CACNG2: variants seen among roughly 807,000 people sequenced by gnomAD.
CACNG2 encodes the protein voltage-dependent calcium channel gamma-2 subunit.
A neutral mutation model predicts 25.9 loss-of-function variants in CACNG2; 3 were observed. The ratio of observed to expected loss-of-function variants is 0.12; its 90% CI spans 0.05 to 0.30. The LOEUF (loss-of-function observed/expected upper bound fraction) is 0.30, where lower values mean the gene tolerates loss of function less well. Ranked by LOEUF, CACNG2 falls within the 10% of genes least tolerant of loss-of-function variation. The pLI, the probability that CACNG2 is intolerant of heterozygous loss-of-function variation, is 1.00. For missense variants in CACNG2, 341 were observed against 432.5 expected (o/e 0.79, Z 1.88); for synonymous variants, 167 against 173.3 (o/e 0.96, Z 0.29).
At chr22:36,621,737 C>T (rs1936109085) in intron 1 of CACNG2, among the ~76,000 whole-genome samples, 1 of 152,134 alleles carries the variant, frequency 6.6e-6, no homozygotes, top group Admixed American at 6.5e-5. Flanking sequence ...TGTGTCCTCC[C>T]CTGCCAGTGC....
intron 1 of CACNG2, among the ~76,000 whole-genome samples, chr22:36,615,203 A>G (rs1193790859): frequency 1.3e-5 from 2 of 152,120 alleles, no homozygotes; most frequent in Non-Finnish European, 2.9e-5. Context: ...GCTGCATCTG[A>G]TTTGGTTGGG....
rs182028340 is a variant in CACNG2 at position 36,622,470 on chromosome 22, G to T, written c.212-34922C>A. 2.8e-4 allele frequency among the ~76,000 whole-genome samples: 43 copies of T among 152,322 alleles called. 1 individual carries two copies. The East Asian group carries it at 8.3e-3, about 29-fold the overall frequency. ...GATGGACTGGAGATCCATGGGTTTAGATCTTACTTCCTTACTTTTAGAATA... is the reference window on the plus strand; with the variant it reads ...GATGGACTGGAGATCCATGGGTTTATATCTTACTTCCTTACTTTTAGAATA... On this transcript the variant is annotated intron_variant, in intron 1 of 3. Coordinates refer to ENST00000300105, the MANE Select transcript of CACNG2 (RefSeq NM_006078.5).
chr22:36,570,202 G>C (rs1935201950), intron 2 of CACNG2, among the ~76,000 whole-genome samples: 2 of 152,344 alleles, frequency 1.3e-5, no homozygotes, highest in South Asian at 4.1e-4. Context: ...TGCGGAGGGA[G>C]CTGGGATGCA....
At chr22:36,636,943 C>T (rs1475321831) in intron 1 of CACNG2, among the ~76,000 whole-genome samples, 2 of 152,218 alleles carry the variant, frequency 1.3e-5, no homozygotes, top group African/African-American at 4.8e-5. Context: ...AAGATCCATA[C>T]TTGATCCCTC....
intron 1 of CACNG2, among the ~76,000 whole-genome samples, chr22:36,595,556 G>A (rs2145928122): frequency 6.6e-6 from 1 of 152,324 alleles, no homozygotes; most frequent in Middle Eastern, 3.4e-3. Flanking sequence ...ACAAATTGGT[G>A]GGATTGGAGA....
At chr22:36,650,340 C>T (rs192461175) in intron 1 of CACNG2, among the ~76,000 whole-genome samples, 61 of 152,072 alleles carry the variant, frequency 4.0e-4, no homozygotes, top group Admixed American at 1.5e-3. Context: ...TGGCTGGACT[C>T]GCTCCAAACA....
intron 2 of CACNG2, among the ~76,000 whole-genome samples, chr22:36,575,927 A>G (rs946412111): frequency 1.3e-5 from 2 of 152,236 alleles, no homozygotes; most frequent in East Asian, 3.8e-4. Context: ...ATTAGGGGAT[A>G]CAGTCTACAG....
At chr22:36,636,991 G>T (rs898448185) in intron 1 of CACNG2, among the ~76,000 whole-genome samples, 1 of 152,198 alleles carries the variant, frequency 6.6e-6, no homozygotes, top group Non-Finnish European at 1.5e-5. Context: ...AGCAGAGCAG[G>T]TTCTGGCTGG....
intron 2 of CACNG2, among the ~76,000 whole-genome samples, chr22:36,581,427 C>G (rs548473228): frequency 6.6e-6 from 1 of 152,332 alleles, no homozygotes; most frequent in South Asian, 2.1e-4. Context: ...CTCCAAGAGG[C>G]TGGACAACAT....
chr22:36,684,555 G>A (rs1320812539), intron 1 of CACNG2, among the ~76,000 whole-genome samples: 1 of 148,998 alleles, frequency 6.7e-6, no homozygotes, highest in African/African-American at 2.5e-5. Flanking sequence ...GGTCAAGGCT[G>A]CAGTGAGCCA....
intron 1 of CACNG2, among the ~76,000 whole-genome samples, chr22:36,633,804 TA>T (rs1361033531): frequency 6.6e-6 from 1 of 152,244 alleles, no homozygotes; most frequent in African/African-American, 2.4e-5. Flanking sequence ...ATTGACTTGT[TA>T]AAGCAGCAAG....
chr22:36,578,877 G>A (rs545187018), intron 2 of CACNG2, among the ~76,000 whole-genome samples: 2 of 152,296 alleles, frequency 1.3e-5, no homozygotes, highest in East Asian at 3.9e-4. Flanking sequence ...CACTCTATTT[G>A]CAGCCACTCC....
At chr22:36,638,546 T>A (rs888598317) in intron 1 of CACNG2, among the ~76,000 whole-genome samples, 1 of 152,168 alleles carries the variant, frequency 6.6e-6, no homozygotes, top group Middle Eastern at 3.2e-3. Flanking sequence ...CCCCAGTTTT[T>A]CTCTGGATGA....
intron 1 of CACNG2, among the ~76,000 whole-genome samples, chr22:36,699,236 T>TACAC (rs1937379005): frequency 2.5e-5 from 2 of 79,104 alleles, no homozygotes; most frequent in South Asian, 4.7e-4. Flanking sequence ...GGATTTCAAG[T>TACAC]TCACACACAC....
At chr22:36,652,177 T>G (rs988137856) in intron 1 of CACNG2, among the ~76,000 whole-genome samples, 1 of 152,094 alleles carries the variant, frequency 6.6e-6, no homozygotes, top group Non-Finnish European at 1.5e-5. Flanking sequence ...GTTTCTTAAA[T>G]AGATGTTGAA....
chr22:36,664,576 C>T (rs1047897668), intron 1 of CACNG2, among the ~76,000 whole-genome samples: 1 of 152,198 alleles, frequency 6.6e-6, no homozygotes, highest in East Asian at 1.9e-4. Context: ...TCCAAGACCT[C>T]ACACTGGGTT....
In CACNG2 at chr22:36,703,026, T is replaced by G; in HGVS notation, c.-450A>C. The G allele has an allele frequency of 5.8e-6, 1 of 172,634 alleles. No homozygotes were observed. 10.7% of individuals were successfully genotyped at this position (172,634 alleles called of 1,614,324 possible). The stretch of plus-strand genomic sequence containing the variant: ...AACACCATTTCTCATGGTCGGGACC[T>G]AGACAGTTAGAGACTGTGAGAGCCG... On this transcript the variant is annotated 5_prime_UTR_variant, in exon 1 of 4. Coordinates refer to ENST00000300105, the MANE Select transcript of CACNG2 (RefSeq NM_006078.5).
chr22:36,664,923 C>T (rs558145294), intron 1 of CACNG2, among the ~76,000 whole-genome samples: 12 of 152,214 alleles, frequency 7.9e-5, no homozygotes, highest in African/African-American at 1.7e-4. Context: ...TCAGCTCTGA[C>T]GAGGGGGTGC....
chr22:36,566,699 C>A (rs891558789), intron 2 of CACNG2, among the ~76,000 whole-genome samples: 6 of 152,194 alleles, frequency 3.9e-5, no homozygotes, highest in Non-Finnish European at 8.8e-5. Context: ...CCCACTGCCT[C>A]CAGGGCCAAA....
Sources: gnomAD v4.1 joint callset for allele counts (sites outside exome capture counted in the v4.1 genomes callset) on GRCh38, gnomAD v4.1.1 for gene constraint, MANE v1.5 for transcripts, NCBI Gene and HGNC (gene_info 2026-07-23, HGNC 2026-07-21) for gene names.